Variants in NCAM1 observed in about 807,000 individuals in gnomAD.
NCAM1 encodes antigen recognized by monoclonal antibody 5.1H11.
NCAM1 carries 14 observed loss-of-function variants against 109.8 expected under a neutral mutation model. The ratio of observed to expected loss-of-function variants is 0.13; its 90% confidence interval spans 0.08 to 0.20. The LOEUF (loss-of-function observed/expected upper bound fraction) is 0.20, where lower values mean the gene tolerates loss of function less well. Among genes scored for constraint, NCAM1 ranks in the 10% least tolerant of loss-of-function variants. The probability of loss-of-function intolerance (pLI) is 1.00; values close to 1 mark genes in which losing one functional copy is unlikely to be tolerated. For synonymous variants in NCAM1, 418 were observed against 442.9 expected, an observed-to-expected ratio of 0.94 and a Z score of 0.70; for missense variants, 774 against 1,109.9, an observed-to-expected ratio of 0.70 and a Z score of 4.30.
chr11:112,971,298 G>A (rs181296243), intron 1 of NCAM1, among the ~76,000 whole-genome samples: 381 of 151,892 alleles, frequency 2.5e-3, no homozygotes, highest in Middle Eastern at 0.01. Flanking sequence ...GGTTGTAATG[G>A]AAAATACATT....
chr11:113,203,518 G>A (rs1288038661), intron 2 of NCAM1, among the ~76,000 whole-genome samples: 2 of 152,330 alleles, frequency 1.3e-5, no homozygotes, highest in East Asian at 1.9e-4. Context: ...CACATCCGCC[G>A]GATCTGAGCG....
At chr11:113,105,004 A>G (rs550366304) in intron 1 of NCAM1, among the ~76,000 whole-genome samples, 162 of 152,374 alleles carry the variant, frequency 1.1e-3, no homozygotes, top group African/African-American at 3.4e-3. Flanking sequence ...GAACATTAAT[A>G]AAAACCTGAT....
At chr11:113,088,129 G>A (rs1939171776) in intron 1 of NCAM1, among the ~76,000 whole-genome samples, 1 of 152,172 alleles carries the variant, frequency 6.6e-6, no homozygotes, top group South Asian at 2.1e-4. Flanking sequence ...TTAGTCTTGA[G>A]TTTATTTGAT....
Position 112,971,116 on chromosome 11 carries a change from GAAGT to G in NCAM1, c.52+9456_52+9459del, listed in dbSNP as rs550460038. Among the ~76,000 whole-genome samples the G allele has an allele frequency of 2.4e-4, 37 of 152,098 alleles. No individual in the cohort carries two copies. The East Asian group carries it at 7.0e-3, about 29-fold the overall frequency. On this transcript the variant is annotated intron_variant, in intron 1 of 19. Transcript: ENST00000316851. ...ACGGGCTTCCATATATATTAAGAAA[GAAGT>G]AAGAGAGGAAGGAAAAAGGGGAGGA...
At chr11:113,113,217 T>A (rs576545987) in intron 1 of NCAM1, among the ~76,000 whole-genome samples, 1 of 152,310 alleles carries the variant, frequency 6.6e-6, no homozygotes, top group African/African-American at 2.4e-5. Context: ...ATTGTTATCC[T>A]CTGACCTAGT....
intron 1 of NCAM1, among the ~76,000 whole-genome samples, chr11:113,040,096 C>A (rs12574676): frequency 6.6e-6 from 1 of 151,944 alleles, no homozygotes; most frequent in Non-Finnish European, 1.5e-5. Context: ...GAGCCGAGAT[C>A]GCGTCACTGC....
intron 1 of NCAM1, among the ~76,000 whole-genome samples, chr11:113,108,662 G>T (rs1940280369): frequency 6.6e-6 from 1 of 151,728 alleles, no homozygotes; most frequent in African/African-American, 2.4e-5. Flanking sequence ...TAAGCACTTT[G>T]TACTATCTGA....
intron 1 of NCAM1, among the ~76,000 whole-genome samples, chr11:113,093,459 A>T (rs1262977042): frequency 6.6e-6 from 1 of 152,062 alleles, no homozygotes; most frequent in Non-Finnish European, 1.5e-5. Flanking sequence ...CGTAGTTCAC[A>T]TCCTGGTCTT....
chr11:113,000,544 A>G lies in NCAM1; in HGVS notation c.52+38880A>G, dbSNP rs543984476. ...CGGATAACGAGATGCAGGCTGTATA[A>G]TGAGATAATTAAATATGGTGAATTC... On this transcript the variant is annotated intron_variant, in intron 1 of 19. Coordinates refer to ENST00000316851, the MANE Select transcript of NCAM1 (RefSeq NM_181351.5). Among the ~76,000 whole-genome samples, 10 of 152,212 alleles carry G rather than the reference A, an allele frequency of 6.6e-5. No individual in the cohort carries two copies. In the South Asian group the frequency reaches 1.0e-3, roughly 16 times the overall value.
intron 9 of NCAM1, 96 bp from the exon 10 acceptor site, chr11:113,231,549 A>G (rs1243421510): frequency 1.6e-6 from 2 of 1,257,582 alleles, no homozygotes; most frequent in Non-Finnish European, 2.2e-6. Context: ...CAGACAAGTG[A>G]TGGCCTAGTC....
chr11:113,000,845 T>TAC (rs1278687341), intron 1 of NCAM1, among the ~76,000 whole-genome samples: 1 of 103,858 alleles, frequency 9.6e-6, no homozygotes, highest in African/African-American at 3.9e-5. Context: ...TATATATATA[T>TAC]ATACACAAAA....
At chr11:113,031,553 G>C (rs1165309801) in intron 1 of NCAM1, among the ~76,000 whole-genome samples, 1 of 152,076 alleles carries the variant, frequency 6.6e-6, no homozygotes, top group Non-Finnish European at 1.5e-5. Flanking sequence ...TTAGCCGGGC[G>C]TGGTGGCAGG....
chr11:113,077,862 T>G (rs1938601016), intron 1 of NCAM1, among the ~76,000 whole-genome samples: 2 of 152,040 alleles, frequency 1.3e-5, no homozygotes, highest in Non-Finnish European at 2.9e-5. Flanking sequence ...AATTTTTGTA[T>G]TTTTAGTAGA....
At chr11:113,003,690 G>C (rs182650728) in intron 1 of NCAM1, among the ~76,000 whole-genome samples, 189 of 152,318 alleles carry the variant, frequency 1.2e-3, no homozygotes, top group African/African-American at 4.2e-3. Context: ...TTACAGATTT[G>C]CTATAGAAGA....
intron 2 of NCAM1, 70 bp downstream of exon 2, chr11:113,202,523 C>T (rs1252414088): frequency 1.4e-6 from 2 of 1,399,924 alleles, no homozygotes; most frequent in Admixed American, 2.3e-5. Flanking sequence ...CAGGAGCCCT[C>T]AGGCCATGTG....
intron 1 of NCAM1, among the ~76,000 whole-genome samples, chr11:113,187,142 A>G (rs1333487637): frequency 6.6e-6 from 1 of 152,208 alleles, no homozygotes. Context: ...TTTTGCTAAG[A>G]TGCAAAAATA....
rs755887537 is a variant in NCAM1 at position 113,221,209 on chromosome 11, C to T, written c.1060-87C>T. The T allele has an allele frequency of 6.0e-5, 80 of 1,325,824 alleles. 1 individual carries two copies. The highest frequency in any genetic ancestry group is 3.3e-4 in the East Asian group (13 of 39,356). 82.1% of individuals were successfully genotyped at this position (1,325,824 alleles called of 1,614,324 possible). ...GAATTAAAGAAAAGCTGCATGTGCA[C>T]GGAATGCAGTGTGATACATTCTCTA... On this transcript the variant is annotated intron_variant, in intron 8 of 19. Transcript: ENST00000316851.
intron 1 of NCAM1, among the ~76,000 whole-genome samples, chr11:112,987,500 T>G (rs1183345254): frequency 6.6e-6 from 1 of 152,192 alleles, no homozygotes; most frequent in Non-Finnish European, 1.5e-5. Context: ...AGGTCTCTTA[T>G]TATTATTGTA....
At chr11:113,012,487 CA>C (rs1555074681) in intron 1 of NCAM1, among the ~76,000 whole-genome samples, 1 of 152,088 alleles carries the variant, frequency 6.6e-6, no homozygotes, top group Non-Finnish European at 1.5e-5. Context: ...CAGGGACCTT[CA>C]AAAAACAGAA....
Sources: gnomAD v4.1 joint callset for allele counts (sites outside exome capture counted in the v4.1 genomes callset) on GRCh38, gnomAD v4.1.1 for gene constraint, MANE v1.5 for transcripts, NCBI Gene and HGNC (gene_info 2026-07-23, HGNC 2026-07-21) for gene names.